The following EPHA6 variants were observed in gnomAD, a reference collection of about 807,000 sequenced individuals.
EPHA6 encodes ephrin type-A receptor 6.
EPHA6 carries 50 observed loss-of-function variants against 112.0 expected under a neutral mutation model. The ratio of observed to expected loss-of-function variants is 0.45; its 90% CI spans 0.36 to 0.56. EPHA6 has a LOEUF of 0.56. EPHA6 is among the 20% of genes least tolerant of loss of function. The pLI is 0.00. For missense variants in EPHA6, 1,280 were observed against 1,417.4 expected (o/e 0.90, Z 1.56); for synonymous variants, 529 against 490.7 (o/e 1.08, Z -1.03).
intron 2 of EPHA6, among the ~76,000 whole-genome samples, chr3:96,957,848 T>G (rs1335660369): frequency 7.9e-5 from 12 of 152,198 alleles, no homozygotes; most frequent in Admixed American, 7.9e-4. Flanking sequence ...TGTATTACAT[T>G]TTATTTATGC....
intron 5 of EPHA6, among the ~76,000 whole-genome samples, chr3:97,295,004 G>A (rs367865123): frequency 3.9e-5 from 6 of 152,064 alleles, no homozygotes; most frequent in African/African-American, 1.4e-4. Context: ...CACTGTTTTT[G>A]TAATTCTTTA....
chr3:96,919,398 G>T (rs1379037553), intron 2 of EPHA6, among the ~76,000 whole-genome samples: 1 of 151,834 alleles, frequency 6.6e-6, no homozygotes, highest in East Asian at 1.9e-4. Context: ...AGAAGTTTTA[G>T]AATTCAATTA....
At chr3:97,143,752 A>G (rs1178297683) in intron 3 of EPHA6, among the ~76,000 whole-genome samples, 1 of 151,724 alleles carries the variant, frequency 6.6e-6, no homozygotes, top group Admixed American at 6.6e-5. Flanking sequence ...CCCATCACCA[A>G]TAAGTTTTGT....
At chr3:97,216,523 G>T (rs2078038791) in intron 3 of EPHA6, among the ~76,000 whole-genome samples, 1 of 152,166 alleles carries the variant, frequency 6.6e-6, no homozygotes, top group Non-Finnish European at 1.5e-5. Context: ...ATGTAGCAAT[G>T]GAAATTAGTA....
chr3:97,010,652 A>G (rs1483417447), intron 3 of EPHA6, among the ~76,000 whole-genome samples: 2 of 151,936 alleles, frequency 1.3e-5, no homozygotes, highest in Non-Finnish European at 2.9e-5. Context: ...TAAAAAAATT[A>G]TTTTTATTTA....
At chr3:97,660,127 T>C (rs971299003) in intron 14 of EPHA6, among the ~76,000 whole-genome samples, 6 of 152,070 alleles carry the variant, frequency 3.9e-5, no homozygotes, top group African/African-American at 1.4e-4. Context: ...CTTGAAACCC[T>C]ATAAAACATT....
Position 97,328,391 on chromosome 3 carries a change from C to T in EPHA6, c.1607-76759C>T, listed in dbSNP as rs147786983. ...TATCATCACTGTTTTTTATTTTAGC[C>T]ATTAGTTGGGTAGTATATCTCATTG... On this transcript the variant is annotated intron_variant, in intron 5 of 17. Coordinates refer to ENST00000389672, the MANE Select transcript of EPHA6 (RefSeq NM_001080448.3). Among the ~76,000 whole-genome samples the T allele has an allele frequency of 3.8e-3, 571 of 151,900 alleles. 3 individuals carry two copies. Among genetic ancestry groups the T allele is most frequent in the African/African-American group, 0.012 (510 of 41,450 alleles).
In EPHA6 at chr3:97,759,548, G is replaced by T; in HGVS notation, c.*10847G>T. On this transcript the variant is annotated 3_prime_UTR_variant, in exon 18 of 18. Coordinates refer to ENST00000389672, the MANE Select transcript of EPHA6 (RefSeq NM_001080448.3). The stretch of plus-strand genomic sequence containing the variant: ...AAGAGAGATGATAATTGTAACAAAG[G>T]CCTTGAGAGATAGAGGGGTTGCGAT... 1 of 230,896 alleles carries T rather than the reference G, an allele frequency of 4.3e-6. No individual in the cohort carries two copies. Among genetic ancestry groups the T allele is most frequent in the East Asian group, 6.1e-5 (1 of 16,314 alleles). The allele number at this position is 230,896 out of a possible 1,614,324, so 14.3% of individuals were successfully genotyped here. A position where few individuals can be genotyped will look rare whatever the true frequency, so the allele number is the denominator to read the frequency against.
At chr3:97,135,642 T>C (rs905378031) in intron 3 of EPHA6, among the ~76,000 whole-genome samples, 1 of 151,898 alleles carries the variant, frequency 6.6e-6, no homozygotes, top group African/African-American at 2.4e-5. Flanking sequence ...ATTTCCTCTG[T>C]AACCTGTAAT....
rs149370641 is a variant in EPHA6 at position 97,288,257 on chromosome 3, G to C, written c.1606+43970G>C. Among the ~76,000 whole-genome samples, 113 of 152,062 alleles carry C rather than the reference G, an allele frequency of 7.4e-4. 1 individual carries two copies. Among genetic ancestry groups the C allele is most frequent in the African/African-American group, 2.7e-3 (111 of 41,480 alleles). On this transcript the variant is annotated intron_variant, in intron 5 of 17. Transcript: ENST00000389672. Reference sequence around the variant, plus strand: ...CCTTCCTTCCTCACCCTCTGTAGTAGTCCCATGTCCTTTGTTGCCATCTTT... The same window carrying C: ...CCTTCCTTCCTCACCCTCTGTAGTACTCCCATGTCCTTTGTTGCCATCTTT...
At chr3:97,542,093 TG>T (rs1221777104) in intron 11 of EPHA6, among the ~76,000 whole-genome samples, 12 of 131,402 alleles carry the variant, frequency 9.1e-5, no homozygotes, top group African/African-American at 2.7e-4. Flanking sequence ...CATGTTTTTT[TG>T]TTTTTTTTTT....
chr3:97,202,680 T>C (rs2077608737), intron 3 of EPHA6, among the ~76,000 whole-genome samples: 1 of 152,080 alleles, frequency 6.6e-6, no homozygotes, highest in Non-Finnish European at 1.5e-5. Context: ...TTACCCATAA[T>C]TGGGCTGGAA....
At chr3:96,981,390 G>A (rs391799) in intron 2 of EPHA6, among the ~76,000 whole-genome samples, 3 of 152,098 alleles carry the variant, frequency 2.0e-5, no homozygotes, top group Non-Finnish European at 4.4e-5. Context: ...TTACATCCCA[G>A]GGATGAAGCC....
intron 3 of EPHA6, among the ~76,000 whole-genome samples, chr3:96,995,889 T>C (rs1473767896): frequency 6.6e-6 from 1 of 152,124 alleles, no homozygotes; most frequent in Non-Finnish European, 1.5e-5. Flanking sequence ...TTGGTACCTG[T>C]GTCAATTTCT....
intron 7 of EPHA6, among the ~76,000 whole-genome samples, chr3:97,454,202 A>G (rs769131902): frequency 6.6e-6 from 1 of 151,966 alleles, no homozygotes; most frequent in South Asian, 2.1e-4. Context: ...GTGAGAAATC[A>G]TCACTTCTTC....
chr3:97,354,678 G>T (rs1207971801), intron 5 of EPHA6, among the ~76,000 whole-genome samples: 1 of 152,108 alleles, frequency 6.6e-6, no homozygotes, highest in African/African-American at 2.4e-5. Flanking sequence ...AGAGATCGGG[G>T]TAGAAAGTTT....
At chr3:97,054,667 ACAAT>A (rs1243864209) in intron 3 of EPHA6, among the ~76,000 whole-genome samples, 11 of 151,418 alleles carry the variant, frequency 7.3e-5, no homozygotes, top group African/African-American at 2.2e-4. Context: ...CTTGAATATA[ACAAT>A]CAATAATAAG....
chr3:96,878,832 G>T (rs961516321), intron 2 of EPHA6, among the ~76,000 whole-genome samples: 2 of 151,848 alleles, frequency 1.3e-5, no homozygotes, highest in Non-Finnish European at 2.9e-5. Flanking sequence ...AAAGTTGAAT[G>T]GTGAAAAACA....
chr3:96,915,879 A>G (rs186687112), intron 2 of EPHA6, among the ~76,000 whole-genome samples: 1 of 152,262 alleles, frequency 6.6e-6, no homozygotes, highest in East Asian at 1.9e-4. Flanking sequence ...TACATGAGAA[A>G]AAAACATCTG....
Sources: gnomAD v4.1 joint callset for allele counts (sites outside exome capture counted in the v4.1 genomes callset) on GRCh38, gnomAD v4.1.1 for gene constraint, MANE v1.5 for transcripts, NCBI Gene and HGNC (gene_info 2026-07-23, HGNC 2026-07-21) for gene names.